MASP2: variants seen among roughly 807,000 people sequenced by gnomAD.
The protein encoded by MASP2 is MBL associated serine protease 2, also known as mannan-binding lectin serine protease 2.
A neutral mutation model predicts 57.1 loss-of-function variants in MASP2; 49 were observed. The observed-to-expected ratio is 0.86, with a 90% CI of 0.68 to 1.09. MASP2 has a LOEUF of 1.09. Ranked by LOEUF, MASP2 falls within the 50% of genes least tolerant of loss-of-function variation. The pLI, the probability that MASP2 is intolerant of heterozygous loss-of-function variation, is 0.00. For synonymous variants in MASP2, 379 were observed against 340.8 expected, an observed-to-expected ratio of 1.11 and a Z score of -1.24; for missense variants, 900 against 874.8, an observed-to-expected ratio of 1.03 and a Z score of -0.36.
chr1:11,045,235 G>A (rs1638594186), intron 4 of MASP2, 173 bp downstream of exon 4: 3 of 958,316 alleles, frequency 3.1e-6, no homozygotes, highest in Non-Finnish European at 4.9e-6. Context: ...TGATGAGCCT[G>A]GCTGCTGAGA....
In MASP2 at chr1:11,027,264, A is replaced by G; in HGVS notation, c.1682T>C (p.Phe561Ser). The G allele has an allele frequency of 6.2e-7, 1 of 1,614,054 alleles. No homozygotes were observed. The highest frequency in any genetic ancestry group is 8.5e-7 in the Non-Finnish European group (1 of 1,179,994). Residue 561 changes from phenylalanine to serine, a missense_variant, in exon 11 of 11, where the codon TTT becomes TCT. Transcript: ENST00000400897. ...AGTTCCAATGTCATCTGTCCTCATA[A>G]AGGATTCAGCTTCTTTTCTTGGCAG... ...ICLPRKEAES[F>S]MRTDDIGTAS...
At chr1:11,045,810 G>A in intron 3 of MASP2, 1 of 527,338 alleles carries the variant, frequency 1.9e-6, no homozygotes, top group Non-Finnish European at 3.4e-6. Context: ...AATGAGGGGA[G>A]TCAATCAAAC....
intron 7 of MASP2, among the ~76,000 whole-genome samples, chr1:11,037,398 A>G (rs1638273360): frequency 6.6e-6 from 1 of 150,842 alleles, no homozygotes; most frequent in South Asian, 2.1e-4. Context: ...CAAGTTGCCC[A>G]TTTTAATCAC....
rs369045722 is a variant in MASP2 at position 11,027,526 on chromosome 1, A to G, written c.1420T>C (p.Tyr474His). ...GGTTAAGALL[Y>H]DNWVLTAAHA... ...GCAGCTGTTAGGACCCAGTTGTCAT[A>G]TAAAAGTGCACCTGCTGCTGTGGTT... Residue 474 changes from tyrosine to histidine, a missense_variant, in exon 11 of 11, where the codon TAT becomes CAT. Transcript: ENST00000400897. The G allele has an allele frequency of 4.3e-6, 7 of 1,614,066 alleles. No homozygotes were observed. Among genetic ancestry groups the G allele is most frequent in the African/African-American group, 4.0e-5 (3 of 74,920 alleles).
Position 11,026,670 on chromosome 1 carries a change from C to G in MASP2, c.*215G>C, listed in dbSNP as rs761059012. 5.2e-6 allele frequency: 2 copies of G among 385,584 alleles called. No homozygotes were observed. The highest frequency in any genetic ancestry group is 3.8e-5 in the East Asian group (1 of 26,110). 23.9% of individuals were successfully genotyped at this position (385,584 alleles called of 1,614,324 possible). A position where few individuals can be genotyped will look rare whatever the true frequency, so the allele number is the denominator to read the frequency against. On this transcript the variant is annotated 3_prime_UTR_variant, in exon 11 of 11. Transcript: ENST00000400897. ...ACTGGGTGGGCAAAGATGACTGTCACTCTCGTGGTTTATGTCCCCTTGAGT... is the reference window on the plus strand; with the variant it reads ...ACTGGGTGGGCAAAGATGACTGTCAGTCTCGTGGTTTATGTCCCCTTGAGT...
chr1:11,039,178 T>G (rs1638338212), intron 6 of MASP2, among the ~76,000 whole-genome samples: 1 of 152,234 alleles, frequency 6.6e-6, no homozygotes, highest in Admixed American at 6.5e-5. Flanking sequence ...GCCCAGTGCT[T>G]GGCTCTAGGC....
intron 6 of MASP2, among the ~76,000 whole-genome samples, chr1:11,040,135 G>A (rs574481966): frequency 1.3e-5 from 2 of 151,948 alleles, no homozygotes; most frequent in Admixed American, 1.3e-4. Flanking sequence ...AAGGATGGGT[G>A]GATGGAAGGA....
Position 11,030,107 on chromosome 1 carries a change from T to G in MASP2, c.1297+69A>C, listed in dbSNP as rs1030045365. 3.5e-6 allele frequency: 4 copies of G among 1,130,204 alleles called. No individual in the cohort carries two copies. In the African/African-American group the frequency reaches 4.7e-5, roughly 13 times the overall value. 70.0% of individuals were successfully genotyped at this position (1,130,204 alleles called of 1,614,324 possible). ...TTTCTGCCTACCACAGCTAAAGCTC[T>G]CCTCACTGTCTCCTACCCAGTCCTC... On this transcript the variant is annotated intron_variant, in intron 10 of 10. Transcript: ENST00000400897.
rs1156621723 is a variant in MASP2 at position 11,026,753 on chromosome 1, G to C, written c.*132C>G. On this transcript the variant is annotated 3_prime_UTR_variant, in exon 11 of 11. Transcript: ENST00000400897. ...GGAGAAATGACAGCAGCCTCACCTG[G>C]AGTCTGTTTTTTTGGGTGGAGCAAC... The C allele has an allele frequency of 4.6e-6, 3 of 654,222 alleles. No individual in the cohort carries two copies. Among genetic ancestry groups the C allele is most frequent in the Non-Finnish European group, 7.1e-6 (3 of 421,306 alleles). The allele number at this position is 654,222 out of a possible 1,614,324, so 40.5% of individuals were successfully genotyped here. A position where few individuals can be genotyped will look rare whatever the true frequency, so the allele number is the denominator to read the frequency against.
chr1:11,045,842 C>T, intron 3 of MASP2: 1 of 444,196 alleles, frequency 2.3e-6, no homozygotes, highest in Non-Finnish European at 4.1e-6. Flanking sequence ...GGCTACAGCG[C>T]TGAACCCTTG....
At chr1:11,039,681 G>A (rs1638358524) in intron 6 of MASP2, among the ~76,000 whole-genome samples, 1 of 151,158 alleles carries the variant, frequency 6.6e-6, no homozygotes, top group Non-Finnish European at 1.5e-5. Flanking sequence ...ATGGATGGAA[G>A]AATAGGATTG....
intron 7 of MASP2, among the ~76,000 whole-genome samples, chr1:11,036,271 G>A (rs994692061): frequency 1.1e-4 from 16 of 151,976 alleles, no homozygotes; most frequent in Admixed American, 5.2e-4. Context: ...TTGGGAGGCC[G>A]AGGCGGGTGG....
rs142607303 is a variant in MASP2, at chr1:11,033,644, C to G, written c.1087+1184G>C. Among the ~76,000 whole-genome samples, 1,158 of 150,866 alleles carry G rather than the reference C, an allele frequency of 7.7e-3. 17 individuals carry two copies. The highest frequency in any genetic ancestry group is 0.026 in the African/African-American group (1,061 of 41,086). ...TGGGCAACAGAGTGAGACTCCGTCT[C>G]CAAAAAGAAAAAAAAGAAAAAAATA... On this transcript the variant is annotated intron_variant, in intron 8 of 10. Transcript: ENST00000400897.
chr1:11,027,499 G>A lies in MASP2; in HGVS notation c.1447C>T (p.His483Tyr), dbSNP rs1643758875. The A allele has an allele frequency of 6.2e-7, 1 of 1,614,046 alleles. No homozygotes were observed. Among genetic ancestry groups the A allele is most frequent in the Non-Finnish European group, 8.5e-7 (1 of 1,180,040 alleles). The change falls in exon 11 of 11, where the codon CAT becomes TAT. Residue 483 changes from histidine to tyrosine, a missense_variant. Physicochemically the swap from His to Tyr is moderately conservative, Grantham distance 83 (BLOSUM62 2). Coordinates refer to ENST00000400897, the MANE Select transcript of MASP2 (RefSeq NM_006610.4). ...TCATGTTTTTGCTCATAGACGGCAT[G>A]AGCAGCTGTTAGGACCCAGTTGTCA... Reference protein sequence around the residue: ...LYDNWVLTAAHAVYEQKHDAS... With the variant: ...LYDNWVLTAAYAVYEQKHDAS...
At chr1:11,041,064 TGGA>T in intron 6 of MASP2, among the ~76,000 whole-genome samples, 1 of 142,938 alleles carries the variant, frequency 7.0e-6, no homozygotes, top group Non-Finnish European at 1.5e-5. Flanking sequence ...GATGGGTGGG[TGGA>T]AGGATGGGTG....
chr1:11,044,823 G>T, intron 4 of MASP2: 3 of 1,548,440 alleles, frequency 1.9e-6, no homozygotes, highest in African/African-American at 2.7e-5. Flanking sequence ...TTTATTATTG[G>T]GTCCATGGTG....
chr1:11,034,887 G>T lies in MASP2; in HGVS notation c.1028C>A (p.Ser343Tyr), dbSNP rs777634253. Reference protein sequence around the residue: ...ELLQGHLPLKSFTAVCQKDGS... With the variant: ...ELLQGHLPLKYFTAVCQKDGS... ...ATCTTTCTGACAAACTGCAGTAAAG[G>T]ATTTCAGGGGCAAGTGACCCTAAAG... is the stretch of plus-strand genomic sequence containing the variant. The change falls in exon 8 of 11, where the codon TCC becomes TAC. Residue 343 changes from serine to tyrosine, a missense_variant. By Grantham distance (144) the Ser-to-Tyr change is moderately radical. Transcript: ENST00000400897. 3 of 1,612,358 alleles carry T rather than the reference G, an allele frequency of 1.9e-6. No homozygotes were observed. The South Asian group carries it at 3.3e-5, about 18-fold the overall frequency.
Position 11,030,768 on chromosome 1 carries a change from T to C in MASP2, c.1202A>G (p.Tyr401Cys), listed in dbSNP as rs959613705. Residue 401 changes from tyrosine (Y) to cysteine (C), a missense_variant, in exon 9 of 11, where the codon TAC (tyrosine) becomes TGC (cysteine). By Grantham distance (194) the Tyr-to-Cys change is radical. Transcript: ENST00000400897. ...CATACCATCATTCACTTTCATTGTG[T>C]AGAAGGTCTCTTCACAGCTGTACTG... ...VIQYSCEETFYTMKVNDGKYV... is the reference protein window; with the variant it reads ...VIQYSCEETFCTMKVNDGKYV... 1.9e-6 allele frequency: 3 copies of C among 1,611,176 alleles called. No homozygotes were observed. The highest frequency in any genetic ancestry group is 1.3e-5 in the African/African-American group (1 of 74,824).
chr1:11,041,760 G>T (rs375254242), intron 6 of MASP2, among the ~76,000 whole-genome samples: 2 of 608 alleles, frequency 3.3e-3, no homozygotes, highest in East Asian at 0.036. Flanking sequence ...GTGGGTGGAT[G>T]GATGGAAGAA....
Sources: gnomAD v4.1 joint callset for allele counts (sites outside exome capture counted in the v4.1 genomes callset) on GRCh38, gnomAD v4.1.1 for gene constraint, MANE v1.5 for transcripts, NCBI Gene and HGNC (gene_info 2026-07-23, HGNC 2026-07-21) for gene names.